IFT43: variants seen among roughly 807,000 people sequenced by gnomAD.
The protein encoded by IFT43 is intraflagellar transport protein 43 homolog.
IFT43 carries 33 observed loss-of-function variants against 32.3 expected under a neutral mutation model. The ratio of observed to expected loss-of-function variants is 1.02; its 90% CI spans 0.77 to 1.37. The LOEUF (loss-of-function observed/expected upper bound fraction) is 1.37, where lower values mean the gene tolerates loss of function less well. Among genes scored for constraint, IFT43 ranks in the 40% most tolerant of loss-of-function variants. The pLI is 0.00. For synonymous variants in IFT43, 93 were observed against 98.2 expected (o/e 0.95, Z 0.31); for missense variants, 274 against 265.9 (o/e 1.03, Z -0.21).
intron 3 of IFT43, 144 bp from the exon 4 acceptor site, chr14:76,058,498 C>T: frequency 1.2e-6 from 1 of 854,054 alleles, no homozygotes; most frequent in Non-Finnish European, 1.8e-6. Context: ...GGTTGTGGGG[C>T]TTGTCTCTAA....
intron 2 of IFT43, among the ~76,000 whole-genome samples, chr14:76,014,325 A>G (rs146011726): frequency 6.6e-6 from 1 of 152,312 alleles, no homozygotes; most frequent in Non-Finnish European, 1.5e-5. Flanking sequence ...TAAAAATTTA[A>G]GATGTTCTAA....
At chr14:76,081,146 C>T (rs1355626795) in intron 5 of IFT43, among the ~76,000 whole-genome samples, 2 of 152,240 alleles carry the variant, frequency 1.3e-5, no homozygotes, top group Non-Finnish European at 2.9e-5. Flanking sequence ...CATCCTCTGG[C>T]GTCACTTGAC....
intron 5 of IFT43, among the ~76,000 whole-genome samples, chr14:76,066,579 A>G (rs1370552137): frequency 1.3e-5 from 2 of 152,228 alleles, no homozygotes; most frequent in Non-Finnish European, 2.9e-5. Context: ...GCTCCTTTGA[A>G]CTTAGAATAT....
chr14:76,043,484 T>G (rs1309467047), intron 3 of IFT43, among the ~76,000 whole-genome samples: 1 of 152,104 alleles, frequency 6.6e-6, no homozygotes, highest in Non-Finnish European at 1.5e-5. Context: ...TTTTTTTTTT[T>G]GAGACGGAGT....
At chr14:76,052,431 A>G (rs2036932395) in intron 3 of IFT43, among the ~76,000 whole-genome samples, 1 of 152,182 alleles carries the variant, frequency 6.6e-6, no homozygotes, top group African/African-American at 2.4e-5. Context: ...CCTCTTCCCC[A>G]GAAGTTCATG....
At chr14:75,986,417 A>G in intron 1 of IFT43, 3 of 409,572 alleles carry the variant, frequency 7.3e-6, no homozygotes, top group Non-Finnish European at 1.1e-5. Context: ...CACTGAGGCC[A>G]GATGGAGCAT....
At position 75,987,131 on chromosome 14, in the gene IFT43, T is replaced by C. The variant is rs2035544724; in HGVS notation, c.54+1291T>C. Reference sequence around the variant, plus strand: ...AAACCTTGAAATACTTAAAAATTATTAGAGAAAACACCTGTGAACAGCATT... The same window carrying C: ...AAACCTTGAAATACTTAAAAATTATCAGAGAAAACACCTGTGAACAGCATT... On this transcript the variant is annotated intron_variant, in intron 1 of 8. Coordinates refer to ENST00000314067, the MANE Select transcript of IFT43 (RefSeq NM_001102564.3). 2.6e-5 allele frequency among the ~76,000 whole-genome samples: 4 copies of C among 152,304 alleles called. No homozygotes were observed. The South Asian group carries it at 8.3e-4, about 32-fold the overall frequency.
At chr14:76,058,845 C>G in intron 4 of IFT43, 171 bp downstream of exon 4, 1 of 1,534,586 alleles carries the variant, frequency 6.5e-7, no homozygotes, top group Non-Finnish European at 8.7e-7. Flanking sequence ...GCTTCCTCAA[C>G]TGAAGGTCTG....
intron 3 of IFT43, among the ~76,000 whole-genome samples, chr14:76,056,929 C>T (rs562142499): frequency 1.1e-3 from 170 of 152,310 alleles, no homozygotes; most frequent in Non-Finnish European, 2.0e-3. Flanking sequence ...TGGGGATGCC[C>T]TGGGCACCCT....
At chr14:76,047,747 T>C (rs1210268697) in intron 3 of IFT43, among the ~76,000 whole-genome samples, 27 of 151,898 alleles carry the variant, frequency 1.8e-4, no homozygotes, top group Admixed American at 3.3e-4. Flanking sequence ...TTTTTTTTTT[T>C]TGTCATTGCA....
chr14:76,083,310 C>T, intron 8 of IFT43, 21 bp downstream of exon 8: 1 of 1,610,472 alleles, frequency 6.2e-7, no homozygotes, highest in Non-Finnish European at 8.5e-7. Context: ...GGCAGCAATT[C>T]CCCGGTCTCT....
At chr14:76,001,461 CATGCG>C (rs2035884158) in intron 2 of IFT43, among the ~76,000 whole-genome samples, 1 of 152,170 alleles carries the variant, frequency 6.6e-6, no homozygotes, top group Admixed American at 6.5e-5. Flanking sequence ...CCCATGCAGG[CATGCG>C]ATATAGATTT....
At chr14:76,037,848 C>T (rs1382656569) in intron 3 of IFT43, among the ~76,000 whole-genome samples, 1 of 152,090 alleles carries the variant, frequency 6.6e-6, no homozygotes, top group South Asian at 2.1e-4. Context: ...CATAGGTGCT[C>T]CATACATATT....
At chr14:76,059,687 C>G in intron 5 of IFT43, 1 of 408,348 alleles carries the variant, frequency 2.4e-6, no homozygotes, top group Non-Finnish European at 4.6e-6. Flanking sequence ...CTCTAACCTC[C>G]TTGGCAAACC....
chr14:76,017,873 A>G (rs144537559), intron 2 of IFT43, among the ~76,000 whole-genome samples: 1 of 151,730 alleles, frequency 6.6e-6, no homozygotes, highest in Admixed American at 6.6e-5. Context: ...GATCCTTTGT[A>G]TTTCTGTGGT....
rs113092139 is a variant in IFT43 at position 76,000,962 on chromosome 14, G to C, written c.147+11985G>C. ...TGCCAAGTTGAAAATGTGGTATGGA[G>C]CTTAAGAGAGAAAGTTGGAAACTAG... is the stretch of plus-strand genomic sequence containing the variant. On this transcript the variant is annotated intron_variant, in intron 2 of 8. Transcript: ENST00000314067. Among the ~76,000 whole-genome samples the C allele has an allele frequency of 1.7e-3, 252 of 152,344 alleles. 2 individuals carry two copies. The highest frequency in any genetic ancestry group is 5.9e-3 in the African/African-American group (244 of 41,584).
chr14:76,062,938 A>AAAAAAAAAAAAAAAAAAAAAAAAAAAAG (rs1485146040), intron 5 of IFT43, among the ~76,000 whole-genome samples: 5 of 120,830 alleles, frequency 4.1e-5, no homozygotes, highest in African/African-American at 1.6e-4. Context: ...AAAAAAAAAA[A>AAAAAAAAAAAAAAAAAAAAAAAAAAAAG]AAAGAAAATA....
intron 2 of IFT43, among the ~76,000 whole-genome samples, chr14:76,001,445 C>G (rs2035883643): frequency 6.6e-6 from 1 of 152,124 alleles, no homozygotes; most frequent in African/African-American, 2.4e-5. Flanking sequence ...CTGTAACTTC[C>G]AGGGGCCCAT....
At chr14:76,059,004 G>A in intron 4 of IFT43, 1 of 1,426,482 alleles carries the variant, frequency 7.0e-7, no homozygotes, top group East Asian at 2.6e-5. Context: ...CTTCTCATAA[G>A]ACTTATATCA....
Sources: allele counts gnomAD v4.1 joint callset (sites outside exome capture counted in the v4.1 genomes callset), GRCh38; gene constraint gnomAD v4.1.1; transcripts MANE v1.5; gene names NCBI Gene and HGNC (gene_info 2026-07-23, HGNC 2026-07-21).